The following MTUS2 variants were observed in gnomAD, a reference collection of about 807,000 sequenced individuals.
MTUS2 encodes the protein microtubule associated scaffold protein 2.
In MTUS2, 40 loss-of-function variants were observed where a neutral mutation model predicts 114.1. The ratio of observed to expected loss-of-function variants is 0.35; its 90% CI spans 0.27 to 0.46. The LOEUF (loss-of-function observed/expected upper bound fraction) is 0.46. MTUS2 is among the 20% of genes least tolerant of loss of function. The probability of loss-of-function intolerance (pLI) is 1.00; values close to 1 mark genes in which losing one functional copy is unlikely to be tolerated. For synonymous variants in MTUS2, 688 were observed against 672.0 expected (o/e 1.02, Z -0.37); for missense variants, 1,679 against 1,705.4 (o/e 0.98, Z 0.27).
At position 29,359,351 on chromosome 13, in the gene MTUS2, C is replaced by T. The variant is rs1262319848; in HGVS notation, c.2995C>T (p.Leu999=). The change falls in exon 8 of 16, where the codon CTG becomes TTG. Residue 999 remains leucine, a synonymous_variant. Coordinates refer to ENST00000612955, the MANE Select transcript of MTUS2 (RefSeq NM_001033602.4). ...CCGTGAGGCTGAGCGGCAGCTGGTG[C>T]TGCGGCTGAAGGAGCGGTGTGAGCA... The part of the protein sequence containing the change: ...QAREAERQLV[L]RLKERCEQQT... 6 of 1,612,010 alleles carry T rather than the reference C, an allele frequency of 3.7e-6. No individual in the cohort carries two copies. The South Asian group carries it at 6.6e-5, about 18-fold the overall frequency.
At chr13:29,307,184 C>G in intron 6 of MTUS2, 1 of 522,928 alleles carries the variant, frequency 1.9e-6, no homozygotes, top group South Asian at 1.7e-5. Flanking sequence ...ATGGGCGTGA[C>G]CCATGAGAAT....
intron 5 of MTUS2, among the ~76,000 whole-genome samples, chr13:29,195,434 C>T (rs549508534): frequency 6.8e-6 from 1 of 146,956 alleles, no homozygotes; most frequent in Admixed American, 7.0e-5. Context: ...TAGCTATTTT[C>T]GTAGTTATGT....
chr13:29,338,110 C>T (rs1901176083), intron 7 of MTUS2, among the ~76,000 whole-genome samples: 1 of 151,926 alleles, frequency 6.6e-6, no homozygotes, highest in Non-Finnish European at 1.5e-5. Context: ...ACCATCTTGC[C>T]AGCCACCCTA....
At chr13:29,139,737 A>G (rs1217979628) in intron 5 of MTUS2, among the ~76,000 whole-genome samples, 1 of 152,186 alleles carries the variant, frequency 6.6e-6, no homozygotes, top group Admixed American at 6.5e-5. Flanking sequence ...ATTTAGAGTC[A>G]TATTTGTTTT....
intron 5 of MTUS2, among the ~76,000 whole-genome samples, chr13:29,278,839 C>G (rs919252735): frequency 3.3e-5 from 5 of 152,162 alleles, no homozygotes; most frequent in Admixed American, 3.3e-4. Flanking sequence ...ATCATACTCT[C>G]ACTCTTCTCT....
chr13:28,948,318 G>A (rs1495938), intron 2 of MTUS2, among the ~76,000 whole-genome samples: 2,774 of 152,172 alleles, frequency 0.018, 81 homozygotes, highest in African/African-American at 0.062. Context: ...CATAATTTTA[G>A]ATAATCTCTC....
intron 2 of MTUS2, among the ~76,000 whole-genome samples, chr13:28,854,130 G>A (rs950680720): frequency 6.6e-6 from 1 of 152,146 alleles, no homozygotes; most frequent in African/African-American, 2.4e-5. Context: ...ACCTTTCGGA[G>A]ATGCAGAATC....
chr13:28,984,661 G>A, intron 2 of MTUS2, among the ~76,000 whole-genome samples: 1 of 152,170 alleles, frequency 6.6e-6, no homozygotes, highest in East Asian at 1.9e-4. Context: ...TGTCAAATGA[G>A]GATAAAGGAG....
chr13:28,992,747 A>G, intron 2 of MTUS2, among the ~76,000 whole-genome samples: 1 of 152,188 alleles, frequency 6.6e-6, no homozygotes, highest in East Asian at 1.9e-4. Context: ...GGTAAAATAT[A>G]CACAACATAC....
At chr13:29,008,025 A>G (rs532718343) in intron 2 of MTUS2, among the ~76,000 whole-genome samples, 3 of 152,304 alleles carry the variant, frequency 2.0e-5, no homozygotes, top group African/African-American at 2.4e-5. Flanking sequence ...TTCTTTTGTC[A>G]TGAAACATCC....
At chr13:29,331,887 C>G (rs975427030) in intron 7 of MTUS2, among the ~76,000 whole-genome samples, 2 of 152,170 alleles carry the variant, frequency 1.3e-5, no homozygotes, top group Non-Finnish European at 2.9e-5. Flanking sequence ...GTTGAACCAG[C>G]TTTGCATCCT....
intron 4 of MTUS2, among the ~76,000 whole-genome samples, chr13:29,054,522 CAG>C (rs1056918913): frequency 6.6e-6 from 1 of 151,928 alleles, no homozygotes; most frequent in African/African-American, 2.4e-5. Flanking sequence ...GCTGGAGAGA[CAG>C]GGGGAGTTGT....
intron 5 of MTUS2, among the ~76,000 whole-genome samples, chr13:29,280,851 C>A (rs537600145): frequency 2.1e-4 from 32 of 152,254 alleles, no homozygotes; most frequent in African/African-American, 7.5e-4. Flanking sequence ...ATAGTGATGT[C>A]ATTGTCTTTA....
At chr13:29,124,914 G>C (rs1240438333) in intron 5 of MTUS2, among the ~76,000 whole-genome samples, 1 of 152,146 alleles carries the variant, frequency 6.6e-6, no homozygotes, top group Non-Finnish European at 1.5e-5. Context: ...AGTAAAATGG[G>C]GTTGTCAGGG....
rs577593135 is a variant in MTUS2 at position 29,286,672 on chromosome 13, G to GTCTGTCTGTCTATCTATCTATCTATCTA, written c.2806+4810_2806+4811insGTCTGTCTATCTATCTATCTATCTATCT. 3.0e-3 allele frequency among the ~76,000 whole-genome samples: 332 copies of GTCTGTCTGTCTATCTATCTATCTATCTA among 110,980 alleles called. 2 individuals carry two copies. Among genetic ancestry groups the GTCTGTCTGTCTATCTATCTATCTATCTA allele is most frequent in the African/African-American group, 9.7e-3 (303 of 31,250 alleles). The allele number at this position is 110,980 out of a possible 152,430, so 72.8% of individuals were successfully genotyped here. On this transcript the variant is annotated intron_variant, in intron 6 of 15. Transcript: ENST00000612955. ...TATCTGTCTGTCTGTCTGTCTGTCT[G>GTCTGTCTGTCTATCTATCTATCTATCTA]TCTATCTATCTATCTATCTATCTAT...
intron 4 of MTUS2, among the ~76,000 whole-genome samples, chr13:29,086,832 ACCTC>A (rs1889713226): frequency 6.6e-6 from 1 of 151,282 alleles, no homozygotes; most frequent in African/African-American, 2.4e-5. Context: ...GAGATTTTTC[ACCTC>A]CCTGGTTAGC....
chr13:29,140,604 C>T (rs1892177877), intron 5 of MTUS2, among the ~76,000 whole-genome samples: 1 of 152,222 alleles, frequency 6.6e-6, no homozygotes. Flanking sequence ...TGAGGGCTTA[C>T]TGGCCTGGAA....
chr13:29,322,743 G>A (rs879756842), intron 6 of MTUS2, among the ~76,000 whole-genome samples: 2 of 152,176 alleles, frequency 1.3e-5, no homozygotes. Context: ...AAGGGCTAGA[G>A]GAAGAATATT....
chr13:28,917,970 A>G (rs1472727719), intron 2 of MTUS2, among the ~76,000 whole-genome samples: 1 of 151,812 alleles, frequency 6.6e-6, no homozygotes, highest in East Asian at 1.9e-4. Context: ...TAATTTCTTC[A>G]CTGGTAATTC....
Sources: allele counts gnomAD v4.1 joint callset (sites outside exome capture counted in the v4.1 genomes callset), GRCh38; gene constraint gnomAD v4.1.1; transcripts MANE v1.5; gene names NCBI Gene and HGNC (gene_info 2026-07-23, HGNC 2026-07-21).